DDX31: variants seen among roughly 807,000 people sequenced by gnomAD.
DDX31 encodes ATP-dependent DNA helicase DDX31.
Under a neutral mutation model 91.3 loss-of-function variants are expected in DDX31, and 70 were observed. The ratio of observed to expected loss-of-function variants is 0.77; its 90% CI spans 0.63 to 0.94. The LOEUF (loss-of-function observed/expected upper bound fraction) is 0.94. Ranked by LOEUF, DDX31 falls within the 40% of genes least tolerant of loss-of-function variation. The pLI, the probability that DDX31 is intolerant of heterozygous loss-of-function variation, is 0.00. For synonymous variants in DDX31, 362 were observed against 350.6 expected, an observed-to-expected ratio of 1.03 and a Z score of -0.36; for missense variants, 902 against 925.0, an observed-to-expected ratio of 0.98 and a Z score of 0.32.
intron 6 of DDX31, chr9:132,658,225 T>TGTG (rs1834694014): frequency 1.4e-6 from 1 of 698,504 alleles, no homozygotes; most frequent in Admixed American, 2.0e-5. Flanking sequence ...CACACAAGAG[T>TGTG]AAGGAGCTTG....
At position 132,662,348 on chromosome 9, in the gene DDX31, G is replaced by A. The variant is rs1472828763; in HGVS notation, c.333-12C>T. Reference sequence around the variant, plus strand: ...GCTTTACCACAGGTCTGCAAATGATGAACAAGAACCCAGGCATCAGTGCCA... The same window carrying A: ...GCTTTACCACAGGTCTGCAAATGATAAACAAGAACCCAGGCATCAGTGCCA... On this transcript the variant is annotated splice_polypyrimidine_tract_variant and intron_variant, in intron 2 of 19. Coordinates refer to ENST00000372159, the MANE Select transcript of DDX31 (RefSeq NM_022779.9). The A allele has an allele frequency of 1.9e-6, 3 of 1,614,046 alleles. No individual in the cohort carries two copies. The highest frequency in any genetic ancestry group is 2.2e-5 in the South Asian group (2 of 91,064).
rs1211415030 is a variant in DDX31, at chr9:132,594,697, G to A, written c.*169C>T. 3 of 1,138,224 alleles carry A rather than the reference G, an allele frequency of 2.6e-6. No individual in the cohort carries two copies. The East Asian group carries it at 7.3e-5, about 28-fold the overall frequency. The allele number at this position is 1,138,224 out of a possible 1,614,324, so 70.5% of individuals were successfully genotyped here. A position where few individuals can be genotyped will look rare whatever the true frequency, so the allele number is the denominator to read the frequency against. On this transcript the variant is annotated 3_prime_UTR_variant, in exon 20 of 20. Transcript: ENST00000372159. Reference sequence around the variant, plus strand: ...GCCCCACACCACTGATTTCTATCAGGCTCCAGGGCCTCCCATGGAGGAGAA... The same window carrying A: ...GCCCCACACCACTGATTTCTATCAGACTCCAGGGCCTCCCATGGAGGAGAA...
intron 15 of DDX31, among the ~76,000 whole-genome samples, chr9:132,631,822 C>A (rs750444308): frequency 1.3e-5 from 2 of 152,158 alleles, no homozygotes; most frequent in South Asian, 4.1e-4. Context: ...TGCCACCTCC[C>A]TCTCGTGAAC....
intron 6 of DDX31, 149 bp from the exon 7 acceptor site, chr9:132,652,641 G>C (rs767828308): frequency 1.0e-6 from 1 of 953,524 alleles, no homozygotes; most frequent in Non-Finnish European, 1.6e-6. Flanking sequence ...GATGTGGTCT[G>C]GCTGTGCCCC....
chr9:132,602,016 G>A (rs1435895210), intron 19 of DDX31, among the ~76,000 whole-genome samples: 1 of 152,190 alleles, frequency 6.6e-6, no homozygotes, highest in East Asian at 1.9e-4. Flanking sequence ...TCAGATATGT[G>A]GCATATTGTC....
chr9:132,648,194 G>C lies in DDX31; in HGVS notation c.962C>G (p.Thr321Arg), dbSNP rs766211560. 1 of 1,612,336 alleles carries C rather than the reference G, an allele frequency of 6.2e-7. No individual in the cohort carries two copies. Among genetic ancestry groups the C allele is most frequent in the South Asian group, 1.1e-5 (1 of 90,720 alleles). ...RQNVLLSATL[T>R]EGVTRLADIS... ...ATCACTTCTTTTCAACTCACCTTCT[G>C]TGAGTGTCGCTGATAGCAAGACATT... Residue 321 changes from threonine (T) to arginine (R), a missense_variant, in exon 11 of 20, where the codon ACA (threonine) becomes AGA (arginine). Physicochemically the swap from Thr to Arg is moderately conservative, Grantham distance 71. Coordinates refer to ENST00000372159, the MANE Select transcript of DDX31 (RefSeq NM_022779.9).
intron 17 of DDX31, among the ~76,000 whole-genome samples, chr9:132,620,324 T>C (rs1043332307): frequency 6.6e-6 from 1 of 151,956 alleles, no homozygotes; most frequent in African/African-American, 2.4e-5. Context: ...GTGTCACAAC[T>C]GTCAGGGGAT....
intron 1 of DDX31, chr9:132,663,428 G>C (rs888457941): frequency 1.0e-6 from 1 of 985,372 alleles, no homozygotes. Flanking sequence ...GCGGATTACA[G>C]GCTACACAGC....
At position 132,662,453 on chromosome 9, in the gene DDX31, A is replaced by G; in HGVS notation, c.318T>C (p.Ile106=). The change falls in exon 2 of 20, where the codon ATT becomes ATC. Residue 106 remains isoleucine (I), a synonymous_variant. Transcript: ENST00000372159. ...TSSLFKNNPD[I]PELHRPVVKQ... is the part of the protein sequence containing the mutation. ...CCTGGACATACCTGTGGAGTTCTGG[A>G]ATGTCAGGGTTGTTTTTAAACAGTG... is the stretch of plus-strand genomic sequence containing the variant. 6.2e-7 allele frequency: 1 copy of G among 1,614,154 alleles called. No individual in the cohort carries two copies. The highest frequency in any genetic ancestry group is 1.1e-5 in the South Asian group (1 of 91,084).
chr9:132,610,304 A>G (rs1265320624), intron 19 of DDX31, among the ~76,000 whole-genome samples: 2 of 152,232 alleles, frequency 1.3e-5, no homozygotes, highest in Non-Finnish European at 2.9e-5. Context: ...AAAATGGCCT[A>G]GAAGGAACCA....
chr9:132,666,920 A>G (rs1275888094), intron 1 of DDX31, among the ~76,000 whole-genome samples: 1 of 151,980 alleles, frequency 6.6e-6, no homozygotes, highest in Non-Finnish European at 1.5e-5. Flanking sequence ...TCACTGTGTT[A>G]GCCAGGATGG....
chr9:132,660,314 A>C (rs1834853458), intron 4 of DDX31, among the ~76,000 whole-genome samples: 1 of 151,588 alleles, frequency 6.6e-6, no homozygotes. Flanking sequence ...CAGCCTGGGC[A>C]ACAAGAGCAA....
At chr9:132,640,807 C>A (rs1006679434) in intron 14 of DDX31, among the ~76,000 whole-genome samples, 1 of 152,080 alleles carries the variant, frequency 6.6e-6, no homozygotes, top group African/African-American at 2.4e-5. Context: ...CACACCTGGC[C>A]CAACAAATTT....
intron 19 of DDX31, among the ~76,000 whole-genome samples, chr9:132,601,880 T>TA (rs958252255): frequency 3.9e-5 from 6 of 152,324 alleles, no homozygotes; most frequent in Admixed American, 3.9e-4. Flanking sequence ...GTTATTCACT[T>TA]ACAACGATTA....
chr9:132,613,771 A>T (rs1345566967), intron 18 of DDX31, among the ~76,000 whole-genome samples: 3 of 152,158 alleles, frequency 2.0e-5, no homozygotes, highest in African/African-American at 7.2e-5. Flanking sequence ...AAAAGGCCAG[A>T]CTCATTCCCA....
chr9:132,644,519 C>A (rs1448863131), intron 13 of DDX31, among the ~76,000 whole-genome samples: 2 of 152,148 alleles, frequency 1.3e-5, no homozygotes, highest in Non-Finnish European at 2.9e-5. Context: ...AGCAGGGTGC[C>A]CCCAGAGGGC....
chr9:132,660,363 C>T (rs1412774146), intron 4 of DDX31, among the ~76,000 whole-genome samples: 1 of 148,522 alleles, frequency 6.7e-6, no homozygotes, highest in Non-Finnish European at 1.5e-5. Flanking sequence ...GAAAAAGAAA[C>T]AGGCATGACA....
chr9:132,656,852 A>G (rs978045789), intron 6 of DDX31, among the ~76,000 whole-genome samples: 2 of 152,230 alleles, frequency 1.3e-5, no homozygotes, highest in Non-Finnish European at 2.9e-5. Context: ...ACTTTACTAC[A>G]TGATTGTAGT....
chr9:132,606,762 A>C (rs984997360), intron 19 of DDX31, among the ~76,000 whole-genome samples: 1 of 152,134 alleles, frequency 6.6e-6, no homozygotes, highest in East Asian at 1.9e-4. Context: ...TCAATCCCAG[A>C]TGTAATCACT....
Sources: allele counts gnomAD v4.1 joint callset (sites outside exome capture counted in the v4.1 genomes callset), GRCh38; gene constraint gnomAD v4.1.1; transcripts MANE v1.5; gene names NCBI Gene and HGNC (gene_info 2026-07-23, HGNC 2026-07-21).